FSTL5: variants seen among roughly 807,000 people sequenced by gnomAD.
FSTL5 encodes the protein follistatin like 5.
In FSTL5, 62 loss-of-function variants were observed where a neutral mutation model predicts 89.1. The ratio of observed to expected loss-of-function variants is 0.70; its 90% confidence interval spans 0.57 to 0.86. The LOEUF is 0.86. Ranked by LOEUF, FSTL5 falls within the 40% of genes least tolerant of loss-of-function variation. FSTL5 has a pLI of 0.00. For synonymous variants in FSTL5, 383 were observed against 346.2 expected, an observed-to-expected ratio of 1.11 and a Z score of -1.18; for missense variants, 1,057 against 1,001.6, an observed-to-expected ratio of 1.06 and a Z score of -0.75.
Position 161,729,217 on chromosome 4 carries a change from G to C in FSTL5, c.727+30194C>G, listed in dbSNP as rs143895913. 2.5e-4 allele frequency among the ~76,000 whole-genome samples: 38 copies of C among 152,238 alleles called. No homozygotes were observed. The East Asian group carries it at 5.6e-3, about 22-fold the overall frequency. ...GTATCTTTTTTAGAGAGTGTGGCCA[G>C]AATAACAAATGATTTTTTTAAATTT... is the stretch of plus-strand genomic sequence containing the variant. On this transcript the variant is annotated intron_variant, in intron 6 of 15. Coordinates refer to ENST00000306100, the MANE Select transcript of FSTL5 (RefSeq NM_020116.5).
At position 161,779,789 on chromosome 4, in the gene FSTL5, A is replaced by G. The variant is rs868290044; in HGVS notation, c.410-3715T>C. Among the ~76,000 whole-genome samples, 69 of 51,046 alleles carry G rather than the reference A, an allele frequency of 1.4e-3. 4 individuals carry two copies. Among genetic ancestry groups the G allele is most frequent in the East Asian group, 5.6e-3 (9 of 1,606 alleles). 33.5% of individuals were successfully genotyped at this position (51,046 alleles called of 152,430 possible). A position where few individuals can be genotyped will look rare whatever the true frequency, so the allele number is the denominator to read the frequency against. On this transcript the variant is annotated intron_variant, in intron 4 of 15. Transcript: ENST00000306100. Reference sequence around the variant, plus strand: ...TATATATATATGTATATATATATATATATATATATATATATATATATGTAT... The same window carrying G: ...TATATATATATGTATATATATATATGTATATATATATATATATATATGTAT...
intron 3 of FSTL5, among the ~76,000 whole-genome samples, chr4:162,016,337 A>G (rs138842069): frequency 1.6e-3 from 250 of 152,062 alleles, no homozygotes; most frequent in African/African-American, 5.7e-3. Context: ...TAATCTTTGG[A>G]CTCTCTGAAA....
intron 3 of FSTL5, among the ~76,000 whole-genome samples, chr4:161,967,016 A>G (rs907567976): frequency 6.6e-6 from 1 of 151,942 alleles, no homozygotes. Flanking sequence ...CTTAGACATA[A>G]CGAGCCTGGT....
At chr4:161,843,318 G>C (rs1281416958) in intron 4 of FSTL5, among the ~76,000 whole-genome samples, 3 of 152,140 alleles carry the variant, frequency 2.0e-5, no homozygotes, top group African/African-American at 4.8e-5. Context: ...ATGGTAGCTT[G>C]ATGGAGATAG....
chr4:161,765,056 T>G (rs1381047379), intron 5 of FSTL5, among the ~76,000 whole-genome samples: 1 of 152,192 alleles, frequency 6.6e-6, no homozygotes, highest in Non-Finnish European at 1.5e-5. Context: ...TCTCAAATCT[T>G]TAGCTAATGG....
At chr4:161,770,473 TAC>T (rs1370583953) in intron 5 of FSTL5, among the ~76,000 whole-genome samples, 3 of 151,956 alleles carry the variant, frequency 2.0e-5, no homozygotes, top group Non-Finnish European at 4.4e-5. Flanking sequence ...TATGTATATA[TAC>T]CTACTATGTA....
chr4:161,704,583 A>T (rs911656128), intron 6 of FSTL5, among the ~76,000 whole-genome samples: 12 of 150,450 alleles, frequency 8.0e-5, no homozygotes, highest in South Asian at 6.3e-4. Context: ...AGGTCATTCA[A>T]TTTTTTTTTT....
At chr4:161,948,067 A>G (rs1318686419) in intron 3 of FSTL5, among the ~76,000 whole-genome samples, 1 of 151,994 alleles carries the variant, frequency 6.6e-6, no homozygotes, top group Admixed American at 6.6e-5. Context: ...GCTTGAGTCC[A>G]GGAGTTCAAG....
At chr4:161,518,853 T>G (rs1391660203) in intron 10 of FSTL5, among the ~76,000 whole-genome samples, 2 of 152,156 alleles carry the variant, frequency 1.3e-5, no homozygotes, top group East Asian at 3.9e-4. Context: ...GCTGGGAGGG[T>G]TCTTGCTCAG....
At position 161,717,695 on chromosome 4, in the gene FSTL5, T is replaced by A. The variant is rs1301446909; in HGVS notation, c.727+41716A>T. 2.0e-5 allele frequency among the ~76,000 whole-genome samples: 3 copies of A among 152,196 alleles called. No individual in the cohort carries two copies. In the East Asian group the frequency reaches 5.8e-4, roughly 29 times the overall value. On this transcript the variant is annotated intron_variant, in intron 6 of 15. Transcript: ENST00000306100. The stretch of plus-strand genomic sequence containing the variant: ...TAAAAAAAACTCAATCTTTTTTTGT[T>A]CTTAACATGAAGTTATAAATGTGTT...
chr4:161,505,072 T>A (rs1052097897), intron 11 of FSTL5, among the ~76,000 whole-genome samples: 3 of 152,234 alleles, frequency 2.0e-5, no homozygotes, highest in African/African-American at 7.2e-5. Flanking sequence ...ATTACGGTGT[T>A]ATACAGAATC....
chr4:161,561,638 TAAC>T (rs752680981), intron 8 of FSTL5, among the ~76,000 whole-genome samples: 5 of 151,534 alleles, frequency 3.3e-5, no homozygotes, highest in Non-Finnish European at 7.4e-5. Flanking sequence ...TGAACAATAA[TAAC>T]AAGGCAAAAA....
chr4:161,562,533 A>G (rs1001710252), intron 8 of FSTL5, among the ~76,000 whole-genome samples: 1 of 151,968 alleles, frequency 6.6e-6, no homozygotes, highest in South Asian at 2.1e-4. Flanking sequence ...TTTGGCTTTC[A>G]GTATAAAAGT....
At chr4:161,687,750 C>G (rs2126715994) in intron 6 of FSTL5, among the ~76,000 whole-genome samples, 1 of 152,276 alleles carries the variant, frequency 6.6e-6, no homozygotes, top group Non-Finnish European at 1.5e-5. Flanking sequence ...GGACTTCTTA[C>G]ACCTTGCTTA....
intron 3 of FSTL5, among the ~76,000 whole-genome samples, chr4:161,963,343 T>A (rs17639999): frequency 0.079 from 12,050 of 151,962 alleles, 637 homozygotes; most frequent in East Asian, 0.21. Context: ...AAGAAGTTGG[T>A]TTTGAAGTTT....
At chr4:161,401,439 A>C (rs986026572) in intron 15 of FSTL5, among the ~76,000 whole-genome samples, 11 of 152,216 alleles carry the variant, frequency 7.2e-5, no homozygotes, top group Non-Finnish European at 1.0e-4. Flanking sequence ...ATACTCAGAG[A>C]ATAAATTAGT....
intron 7 of FSTL5, among the ~76,000 whole-genome samples, chr4:161,639,318 T>C (rs1256552631): frequency 2.0e-5 from 3 of 152,178 alleles, no homozygotes; most frequent in Non-Finnish European, 2.9e-5. Context: ...CTTGATGGGA[T>C]TGGCAAGATC....
At chr4:161,991,404 T>C (rs1050606082) in intron 3 of FSTL5, among the ~76,000 whole-genome samples, 1 of 152,160 alleles carries the variant, frequency 6.6e-6, no homozygotes, top group African/African-American at 2.4e-5. Flanking sequence ...CTCAGGTCAA[T>C]ACTTCTGCTG....
At chr4:161,673,414 T>C (rs1737188398) in intron 6 of FSTL5, among the ~76,000 whole-genome samples, 1 of 152,088 alleles carries the variant, frequency 6.6e-6, no homozygotes, top group Non-Finnish European at 1.5e-5. Context: ...GAAGTAATTT[T>C]ATGAACTGTA....
Sources: gnomAD v4.1 joint callset for allele counts (sites outside exome capture counted in the v4.1 genomes callset) on GRCh38, gnomAD v4.1.1 for gene constraint, MANE v1.5 for transcripts, NCBI Gene and HGNC (gene_info 2026-07-23, HGNC 2026-07-21) for gene names.